SNTB1: variants seen among roughly 807,000 people sequenced by gnomAD.
SNTB1 encodes the protein beta-1-syntrophin.
SNTB1 carries 36 observed loss-of-function variants against 48.9 expected under a neutral mutation model. The observed-to-expected ratio is 0.74, with a 90% confidence interval of 0.56 to 0.97. The LOEUF (loss-of-function observed/expected upper bound fraction) is 0.97. Ranked by LOEUF, SNTB1 falls within the 50% of genes least tolerant of loss-of-function variation. The probability of loss-of-function intolerance (pLI) is 0.00; values close to 1 mark genes in which losing one functional copy is unlikely to be tolerated. For missense variants in SNTB1, 786 were observed against 703.4 expected (o/e 1.12, Z -1.33); for synonymous variants, 299 against 294.6 (o/e 1.01, Z -0.15).
chr8:120,579,965 T>C (rs1438818315), intron 3 of SNTB1, among the ~76,000 whole-genome samples: 1 of 152,208 alleles, frequency 6.6e-6, no homozygotes, highest in Non-Finnish European at 1.5e-5. Context: ...CTGAGTGAGC[T>C]TGGGCAAGAA....
At position 120,546,102 on chromosome 8, in the gene SNTB1, T is replaced by C. The variant is rs181153254; in HGVS notation, c.1333+2660A>G. Among the ~76,000 whole-genome samples, 539 of 152,150 alleles carry C rather than the reference T, an allele frequency of 3.5e-3. 3 individuals are homozygous for C. Among genetic ancestry groups the C allele is most frequent in the Admixed American group, 0.015 (225 of 15,278 alleles). ...CTGCTTCCTCAGAGACAGAGAGAAA[T>C]GAAAGAATAGGCAAGAAAGCATAAT... On this transcript the variant is annotated intron_variant, in intron 5 of 6. Coordinates refer to ENST00000517992, the MANE Select transcript of SNTB1 (RefSeq NM_021021.4).
intron 2 of SNTB1, among the ~76,000 whole-genome samples, chr8:120,649,046 G>A (rs1362072167): frequency 6.8e-6 from 1 of 147,142 alleles, no homozygotes; most frequent in African/African-American, 2.5e-5. Flanking sequence ...CTCTGTATTG[G>A]TTATTCTAGT....
Position 120,595,601 on chromosome 8 carries a change from T to A in SNTB1, c.997-20376A>T, listed in dbSNP as rs1440625978. On this transcript the variant is annotated intron_variant, in intron 3 of 6. Coordinates refer to ENST00000517992, the MANE Select transcript of SNTB1 (RefSeq NM_021021.4). ...TATTCCTCTAATTTCTTTTTTTTTT[T>A]AGACAGTGTTTCACTCTTGTTGCCC... is the stretch of plus-strand genomic sequence containing the variant. 2.0e-5 allele frequency among the ~76,000 whole-genome samples: 3 copies of A among 151,982 alleles called. No homozygotes were observed. The East Asian group carries it at 5.8e-4, about 29-fold the overall frequency.
At position 120,564,654 on chromosome 8, in the gene SNTB1, C is replaced by T. The variant is rs368536604; in HGVS notation, c.1136+10432G>A. ...CGTGATATCGGCTCACTGCAACCTC[C>T]GCCTCCCAGGTTCAGGTGATTCTCC... On this transcript the variant is annotated intron_variant, in intron 4 of 6. Transcript: ENST00000517992. Among the ~76,000 whole-genome samples, 807 of 148,302 alleles carry T rather than the reference C, an allele frequency of 5.4e-3. 5 individuals are homozygous for T. The highest frequency in any genetic ancestry group is 0.018 in the South Asian group (82 of 4,652).
Position 120,548,968 on chromosome 8 carries a change from G to T in SNTB1, c.1137-10C>A, listed in dbSNP as rs367672113. On this transcript the variant is annotated splice_polypyrimidine_tract_variant and intron_variant, in intron 4 of 6. Coordinates refer to ENST00000517992, the MANE Select transcript of SNTB1 (RefSeq NM_021021.4). ...ACCTGAATGGACCAGCCTGGAGAGAGAGAGAGAGAGACATCATCAAAATGG... is the reference window on the plus strand; with the variant it reads ...ACCTGAATGGACCAGCCTGGAGAGATAGAGAGAGAGACATCATCAAAATGG... 2.0e-6 allele frequency: 3 copies of T among 1,536,228 alleles called. No individual in the cohort carries two copies. Among genetic ancestry groups the T allele is most frequent in the Non-Finnish European group, 2.6e-6 (3 of 1,143,974 alleles).
intron 2 of SNTB1, among the ~76,000 whole-genome samples, chr8:120,667,588 G>A (rs191916057): frequency 6.6e-6 from 1 of 152,214 alleles, no homozygotes; most frequent in African/African-American, 2.4e-5. Context: ...CTGGTGTTTG[G>A]CCTTAAGCAA....
intron 5 of SNTB1, among the ~76,000 whole-genome samples, chr8:120,548,268 G>C (rs1815416585): frequency 1.3e-5 from 2 of 152,100 alleles, no homozygotes; most frequent in Admixed American, 1.3e-4. Context: ...CTGCAGAACT[G>C]GGAGCCAAAG....
chr8:120,783,792 T>C (rs988399823), intron 1 of SNTB1, among the ~76,000 whole-genome samples: 1 of 152,184 alleles, frequency 6.6e-6, no homozygotes, highest in Non-Finnish European at 1.5e-5. Flanking sequence ...CAACCACAGA[T>C]GGAAAATATT....
Position 120,764,737 on chromosome 8 carries a change from G to A in SNTB1, c.571+46536C>T, listed in dbSNP as rs541145200. 4.6e-5 allele frequency among the ~76,000 whole-genome samples: 7 copies of A among 152,224 alleles called. No homozygotes were observed. The South Asian group carries it at 1.5e-3, about 32-fold the overall frequency. On this transcript the variant is annotated intron_variant, in intron 1 of 6. Transcript: ENST00000517992. ...CCACCCCAGGCCCTGCTCAGCTGAAGTAAACCCACTAGACATAAAATTATT... is the reference window on the plus strand; with the variant it reads ...CCACCCCAGGCCCTGCTCAGCTGAAATAAACCCACTAGACATAAAATTATT...
chr8:120,672,614 A>G (rs940020105), intron 2 of SNTB1, among the ~76,000 whole-genome samples: 1 of 152,248 alleles, frequency 6.6e-6, no homozygotes, highest in African/African-American at 2.4e-5. Context: ...ACACATTTTT[A>G]TCTCTAGTTT....
chr8:120,559,982 C>T lies in SNTB1; in HGVS notation c.1137-11024G>A, dbSNP rs536248975. ...GGCCAGATTGCTTACATGGTTCTGG[C>T]GAGCTCAAATACTTTCATCCACTGG... On this transcript the variant is annotated intron_variant, in intron 4 of 6. Transcript: ENST00000517992. Among the ~76,000 whole-genome samples, 51 of 152,112 alleles carry T rather than the reference C, an allele frequency of 3.4e-4. 1 individual carries two copies. The highest frequency in any genetic ancestry group is 9.4e-4 in the African/African-American group (39 of 41,520).
rs780926593 is a variant in SNTB1 at position 120,811,588 on chromosome 8, C to T, written c.256G>A (p.Asp86Asn). ...GCGGTGCGGACCCCGGCGGGCGAGT[C>T]CGGGGGCTGCGCGCCGCCCGCGCCC... Reference protein sequence around the residue: ...HPGAGGAQPPDSPAGVRTAFT... With the variant: ...HPGAGGAQPPNSPAGVRTAFT... Residue 86 changes from aspartate to asparagine, a missense_variant, in exon 1 of 7, where the codon GAC becomes AAC. Coordinates refer to ENST00000517992, the MANE Select transcript of SNTB1 (RefSeq NM_021021.4). 21 of 1,563,576 alleles carry T rather than the reference C, an allele frequency of 1.3e-5. No individual in the cohort carries two copies. The African/African-American group carries it at 2.5e-4, about 18-fold the overall frequency.
rs185082827 is a variant in SNTB1 at position 120,600,159 on chromosome 8, T to G, written c.997-24934A>C. ...CTTTCTCTCCTCTGGGCAGGCCCCATGACTTGTTTTGACTAACAGGATGCA... is the reference window on the plus strand; with the variant it reads ...CTTTCTCTCCTCTGGGCAGGCCCCAGGACTTGTTTTGACTAACAGGATGCA... On this transcript the variant is annotated intron_variant, in intron 3 of 6. Coordinates refer to ENST00000517992, the MANE Select transcript of SNTB1 (RefSeq NM_021021.4). Among the ~76,000 whole-genome samples the G allele has an allele frequency of 3.5e-4, 53 of 152,298 alleles. No individual in the cohort carries two copies. In the East Asian group the frequency reaches 3.9e-3, roughly 11 times the overall value.
chr8:120,590,779 C>T (rs548085432), intron 3 of SNTB1, among the ~76,000 whole-genome samples: 1 of 151,326 alleles, frequency 6.6e-6, no homozygotes, highest in South Asian at 2.1e-4. Context: ...CTCCTGGGTC[C>T]CGGTTCAAGC....
chr8:120,622,893 C>T (rs1456474299), intron 3 of SNTB1, among the ~76,000 whole-genome samples: 2 of 152,208 alleles, frequency 1.3e-5, no homozygotes, highest in Admixed American at 6.5e-5. Context: ...TTAACCTTTT[C>T]CTTCTCTAGA....
Position 120,538,758 on chromosome 8 carries a change from G to T in SNTB1, c.*119C>A. On this transcript the variant is annotated 3_prime_UTR_variant, in exon 7 of 7. Coordinates refer to ENST00000517992, the MANE Select transcript of SNTB1 (RefSeq NM_021021.4). ...GGACAGTTACATACGACTCTTGAGA[G>T]CTAAAGCTGACTGTAGCACGCTACA... 1 of 853,816 alleles carries T rather than the reference G, an allele frequency of 1.2e-6. No homozygotes were observed. Among genetic ancestry groups the T allele is most frequent in the Non-Finnish European group, 2.0e-6 (1 of 495,078 alleles). The allele number at this position is 853,816 out of a possible 1,614,324, so 52.9% of individuals were successfully genotyped here.
At chr8:120,789,602 A>T (rs1819989079) in intron 1 of SNTB1, among the ~76,000 whole-genome samples, 1 of 151,998 alleles carries the variant, frequency 6.6e-6, no homozygotes, top group Non-Finnish European at 1.5e-5. Context: ...TACTATGAAC[A>T]CCTCTATGCA....
chr8:120,548,580 C>A (rs1432765499), intron 5 of SNTB1, among the ~76,000 whole-genome samples, 182 bp downstream of exon 5: 2 of 152,102 alleles, frequency 1.3e-5, no homozygotes, highest in African/African-American at 4.8e-5. Context: ...TTTCTATAAT[C>A]AAAGCCTTAG....
chr8:120,779,237 G>C (rs1819790396), intron 1 of SNTB1, among the ~76,000 whole-genome samples: 1 of 152,176 alleles, frequency 6.6e-6, no homozygotes, highest in African/African-American at 2.4e-5. Flanking sequence ...GGGCGTGGTG[G>C]CTCATGCCTG....
Sources: allele counts gnomAD v4.1 joint callset (sites outside exome capture counted in the v4.1 genomes callset), GRCh38; gene constraint gnomAD v4.1.1; transcripts MANE v1.5; gene names NCBI Gene and HGNC (gene_info 2026-07-23, HGNC 2026-07-21).